The following WNT7A variants were observed in gnomAD, a reference collection of about 807,000 sequenced individuals.
WNT7A encodes protein Wnt-7a.
Under a neutral mutation model 28.2 loss-of-function variants are expected in WNT7A, and 16 were observed. The ratio of observed to expected loss-of-function variants is 0.57; its 90% CI spans 0.38 to 0.86. WNT7A has a LOEUF of 0.86. WNT7A is among the 40% of genes least tolerant of loss of function. The probability of loss-of-function intolerance (pLI) is 0.00; values close to 1 mark genes in which losing one functional copy is unlikely to be tolerated. For missense variants in WNT7A, 411 were observed against 489.7 expected, an observed-to-expected ratio of 0.84 and a Z score of 1.52; for synonymous variants, 190 against 195.9, an observed-to-expected ratio of 0.97 and a Z score of 0.25.
At chr3:13,844,968 G>A (rs1037248624) in intron 3 of WNT7A, among the ~76,000 whole-genome samples, 7 of 152,144 alleles carry the variant, frequency 4.6e-5, no homozygotes, top group African/African-American at 1.4e-4. Context: ...CCCCTCCCGA[G>A]GACAAAGGCG....
intron 3 of WNT7A, among the ~76,000 whole-genome samples, chr3:13,832,459 C>A (rs887089941): frequency 1.3e-5 from 2 of 149,952 alleles, no homozygotes; most frequent in African/African-American, 4.9e-5. Context: ...TCTTCCCAAG[C>A]TTCTCCTGCT....
At chr3:13,849,898 G>A (rs747214090) in intron 3 of WNT7A, among the ~76,000 whole-genome samples, 1 of 152,226 alleles carries the variant, frequency 6.6e-6, no homozygotes, top group Non-Finnish European at 1.5e-5. Flanking sequence ...GGAAGGTGGT[G>A]TGTGTGGGAG....
chr3:13,877,813 G>A (rs114106861), intron 1 of WNT7A, among the ~76,000 whole-genome samples: 29,828 of 152,036 alleles, frequency 0.2, 3,506 homozygotes, highest in African/African-American at 0.33. Flanking sequence ...TATCATTATC[G>A]TTATCGGATC....
chr3:13,822,694 G>A (rs1184049698), intron 3 of WNT7A, among the ~76,000 whole-genome samples: 2 of 152,234 alleles, frequency 1.3e-5, no homozygotes, highest in Non-Finnish European at 2.9e-5. Flanking sequence ...CATACTTTAA[G>A]TGGTGACACT....
At chr3:13,865,971 G>A (rs575363960) in intron 2 of WNT7A, among the ~76,000 whole-genome samples, 1 of 152,368 alleles carries the variant, frequency 6.6e-6, no homozygotes, top group Admixed American at 6.5e-5. Flanking sequence ...TCAGGGAAGG[G>A]TGGAGGGTGC....
chr3:13,828,069 C>G (rs77680772), intron 3 of WNT7A, among the ~76,000 whole-genome samples: 8,650 of 152,176 alleles, frequency 0.057, 523 homozygotes, highest in African/African-American at 0.15. Context: ...AGAGAGTCCT[C>G]AATGAGGCCT....
intron 3 of WNT7A, among the ~76,000 whole-genome samples, chr3:13,833,772 G>A (rs1694320758): frequency 6.6e-6 from 1 of 152,252 alleles, no homozygotes; most frequent in Non-Finnish European, 1.5e-5. Context: ...GGGACATGGA[G>A]CCACTGAACC....
Position 13,856,890 on chromosome 3 carries a change from G to GAAA in WNT7A, c.299-2090_299-2088dup, listed in dbSNP as rs1199514260. 1.5e-3 allele frequency among the ~76,000 whole-genome samples: 106 copies of GAAA among 69,078 alleles called. 1 individual carries two copies. Among genetic ancestry groups the GAAA allele is most frequent in the African/African-American group, 8.1e-3 (103 of 12,646 alleles). 45.3% of individuals were successfully genotyped at this position (69,078 alleles called of 152,430 possible). A position where few individuals can be genotyped will look rare whatever the true frequency, so the allele number is the denominator to read the frequency against. ...GGAAGAGGAAGAAGAGGAAGAAGAA[G>GAAA]AAAAAGAAGAAGAAGAAGAAGAAGA... On this transcript the variant is annotated intron_variant, in intron 2 of 3. Transcript: ENST00000285018.
At chr3:13,853,661 C>A (rs1694677679) in intron 3 of WNT7A, among the ~76,000 whole-genome samples, 1 of 152,222 alleles carries the variant, frequency 6.6e-6, no homozygotes, top group Non-Finnish European at 1.5e-5. Flanking sequence ...GGGCTCATGG[C>A]AGTATGACAG....
chr3:13,833,677 GT>G (rs2124838275), intron 3 of WNT7A, among the ~76,000 whole-genome samples: 1 of 152,326 alleles, frequency 6.6e-6, no homozygotes, highest in South Asian at 2.1e-4. Context: ...CAGAGTCTAG[GT>G]TAGTGGGGAC....
chr3:13,862,516 A>C (rs1196542843), intron 2 of WNT7A, among the ~76,000 whole-genome samples: 1 of 152,264 alleles, frequency 6.6e-6, no homozygotes, highest in African/African-American at 2.4e-5. Context: ...TGATTTGGAA[A>C]ATATACAGAT....
chr3:13,829,793 T>C (rs1694249024), intron 3 of WNT7A, among the ~76,000 whole-genome samples: 1 of 152,124 alleles, frequency 6.6e-6, no homozygotes, highest in African/African-American at 2.4e-5. Context: ...TGAAAGCCCA[T>C]TTCTGTGCAG....
chr3:13,835,565 G>T (rs1694354091), intron 3 of WNT7A, among the ~76,000 whole-genome samples: 1 of 152,232 alleles, frequency 6.6e-6, no homozygotes, highest in Non-Finnish European at 1.5e-5. Flanking sequence ...CAGAGCACGG[G>T]CCCCCTACAT....
At chr3:13,837,306 C>T (rs761978132) in intron 3 of WNT7A, among the ~76,000 whole-genome samples, 6 of 152,138 alleles carry the variant, frequency 3.9e-5, no homozygotes, top group Admixed American at 6.5e-5. Context: ...GGCTCAGCAA[C>T]GTAAAGCCAC....
chr3:13,822,098 G>A (rs1181466037), intron 3 of WNT7A, among the ~76,000 whole-genome samples: 2 of 152,260 alleles, frequency 1.3e-5, no homozygotes, highest in Admixed American at 1.3e-4. Context: ...CGGCGAGGGT[G>A]TGGAGCCATC....
Position 13,875,050 on chromosome 3 carries a change from G to A in WNT7A, c.195C>T (p.Gly65=). 1 of 1,614,242 alleles carries A rather than the reference G, an allele frequency of 6.2e-7. No individual in the cohort carries two copies. Among genetic ancestry groups the A allele is most frequent in the Non-Finnish European group, 8.5e-7 (1 of 1,180,048 alleles). The part of the protein sequence containing the change: ...RPDAIIVIGE[G]SQMGLDECQF... The stretch of plus-strand genomic sequence containing the variant: ...GACACTCGTCCAGGCCCATTTGTGA[G>A]CCTTCTCCTATGACGATGATGGCGT... Residue 65 remains glycine, a synonymous_variant, in exon 2 of 4, where the codon GGC becomes GGT. Coordinates refer to ENST00000285018, the MANE Select transcript of WNT7A (RefSeq NM_004625.4).
intron 2 of WNT7A, among the ~76,000 whole-genome samples, chr3:13,870,473 G>T (rs1379575061): frequency 6.6e-6 from 1 of 152,114 alleles, no homozygotes; most frequent in Non-Finnish European, 1.5e-5. Flanking sequence ...TAAGCTACCT[G>T]GTCTGCAGGG....
At chr3:13,865,743 G>C (rs1694901286) in intron 2 of WNT7A, among the ~76,000 whole-genome samples, 1 of 152,182 alleles carries the variant, frequency 6.6e-6, no homozygotes, top group Non-Finnish European at 1.5e-5. Context: ...GGCCTGCCTG[G>C]GGGCCATACA....
intron 3 of WNT7A, among the ~76,000 whole-genome samples, chr3:13,835,355 G>A (rs754801893): frequency 2.0e-5 from 3 of 152,240 alleles, no homozygotes; most frequent in Admixed American, 6.5e-5. Flanking sequence ...GAGAGAGAAC[G>A]GGAAAGCACG....
Sources: gnomAD v4.1 joint callset for allele counts (sites outside exome capture counted in the v4.1 genomes callset) on GRCh38, gnomAD v4.1.1 for gene constraint, MANE v1.5 for transcripts, NCBI Gene and HGNC (gene_info 2026-07-23, HGNC 2026-07-21) for gene names.